Variants in CELF6 observed in about 807,000 individuals in gnomAD.
The protein encoded by CELF6 is Bruno -like 6, RNA binding protein.
In CELF6, 32 loss-of-function variants were observed where a neutral mutation model predicts 53.1. The observed-to-expected ratio is 0.60, with a 90% confidence interval of 0.46 to 0.81. The LOEUF (loss-of-function observed/expected upper bound fraction) is 0.81, where lower values mean the gene tolerates loss of function less well. Ranked by LOEUF, CELF6 falls within the 30% of genes least tolerant of loss-of-function variation. The pLI is 0.00. For missense variants in CELF6, 539 were observed against 669.5 expected, an observed-to-expected ratio of 0.81 and a Z score of 2.15; for synonymous variants, 291 against 288.8, an observed-to-expected ratio of 1.01 and a Z score of -0.08.
At chr15:72,312,824 A>G (rs1478220593) in intron 2 of CELF6, among the ~76,000 whole-genome samples, 1 of 152,154 alleles carries the variant, frequency 6.6e-6, no homozygotes, top group Non-Finnish European at 1.5e-5. Context: ...GGCAGCAGAG[A>G]GCTGGGCACT....
Position 72,289,455 on chromosome 15 carries a change from C to A in CELF6, c.800G>T (p.Gly267Val). The A allele has an allele frequency of 6.5e-7, 1 of 1,539,680 alleles. No individual in the cohort carries two copies. Among genetic ancestry groups the A allele is most frequent in the East Asian group, 2.4e-5 (1 of 41,402 alleles). ...LLAAAQGPGL[G>V]PVAAVAAQMQ... is the part of the protein sequence containing the mutation. Reference sequence around the variant, plus strand: ...CTGGGCCGCCACTGCCGCCACCGGGCCTAGGCCTGGGCCCTGTGCCGCCGC... The same window carrying A: ...CTGGGCCGCCACTGCCGCCACCGGGACTAGGCCTGGGCCCTGTGCCGCCGC... Residue 267 changes from glycine to valine, a missense_variant, in exon 7 of 13, where the codon GGC (glycine) becomes GTC (valine). Gly to Val is a moderately radical substitution (Grantham distance 109). Coordinates refer to ENST00000287202, the MANE Select transcript of CELF6 (RefSeq NM_052840.5). The surrounding 1 kb of genome is among the most constrained non-coding windows in gnomAD (Gnocchi z 7.6).
chr15:72,295,321 G>A (rs1254347087), intron 3 of CELF6, among the ~76,000 whole-genome samples: 3 of 152,112 alleles, frequency 2.0e-5, no homozygotes, highest in African/African-American at 2.4e-5. Context: ...GGGTGACAGA[G>A]TAAGACTGTT....
intron 2 of CELF6, 71 bp from the exon 3 acceptor site, chr15:72,304,865 C>A (rs1479000736): frequency 7.8e-6 from 11 of 1,417,072 alleles, no homozygotes; most frequent in African/African-American, 1.4e-5. Context: ...CTTCTCGAAC[C>A]CTGGACTCCT....
chr15:72,300,076 C>T (rs919216054), intron 3 of CELF6, among the ~76,000 whole-genome samples: 3 of 152,022 alleles, frequency 2.0e-5, no homozygotes, highest in Non-Finnish European at 4.4e-5. Context: ...CAACAGGGGC[C>T]GGGCACGGTG....
At chr15:72,293,757 G>A (rs183739236) in intron 3 of CELF6, among the ~76,000 whole-genome samples, 254 of 149,602 alleles carry the variant, frequency 1.7e-3, no homozygotes, top group Admixed American at 4.0e-3. Flanking sequence ...GCAATGGCAC[G>A]ATCTCGGCTC....
intron 3 of CELF6, 143 bp downstream of exon 3, chr15:72,304,603 T>C: frequency 1.4e-6 from 1 of 705,460 alleles, no homozygotes; most frequent in Non-Finnish European, 2.5e-6. Context: ...CTGAGCTATT[T>C]CTGGGGCTCA....
rs1056793592 is a variant in CELF6, at chr15:72,289,861, G to T, written c.603+78C>A. On this transcript the variant is annotated intron_variant, in intron 5 of 12. Coordinates refer to ENST00000287202, the MANE Select transcript of CELF6 (RefSeq NM_052840.5). The surrounding 1 kb of genome is among the most constrained non-coding windows in gnomAD (Gnocchi z 7.6). ...CTTTCCCATCAGGTCCTTTCGCGGG[G>T]CACCGAGCACACTCGGGGAGGAGAA... The T allele has an allele frequency of 4.0e-6, 6 of 1,507,634 alleles. No individual in the cohort carries two copies. In the African/African-American group the frequency reaches 5.5e-5, roughly 14 times the overall value. 93.4% of individuals were successfully genotyped at this position (1,507,634 alleles called of 1,614,324 possible). A position where few individuals can be genotyped will look rare whatever the true frequency, so the allele number is the denominator to read the frequency against.
chr15:72,304,910 C>T, intron 2 of CELF6, 116 bp from the exon 3 acceptor site: 1 of 793,568 alleles, frequency 1.3e-6, no homozygotes, highest in South Asian at 1.6e-5. Flanking sequence ...GAACTCTGCA[C>T]TCTACCACTT....
At chr15:72,318,688 TCTC>T (rs1567287182) in intron 1 of CELF6, among the ~76,000 whole-genome samples, 2 of 152,000 alleles carry the variant, frequency 1.3e-5, no homozygotes, top group Admixed American at 6.6e-5. Flanking sequence ...AGGGAGAAGA[TCTC>T]CTTCTGTCTC....
chr15:72,305,090 G>T (rs1434032763), intron 2 of CELF6, among the ~76,000 whole-genome samples: 5 of 152,188 alleles, frequency 3.3e-5, no homozygotes. Context: ...GCTATGTGAG[G>T]CCTGTCCCTT....
intron 1 of CELF6, among the ~76,000 whole-genome samples, chr15:72,317,273 G>A (rs1251768068): frequency 1.3e-5 from 2 of 152,164 alleles, no homozygotes; most frequent in African/African-American, 4.8e-5. Context: ...AGTGTAGGAG[G>A]GAGAAGGACT....
chr15:72,288,449 G>A lies in CELF6; in HGVS notation c.1177C>T (p.Pro393Ser). 2 of 1,614,168 alleles carry A rather than the reference G, an allele frequency of 1.2e-6. No homozygotes were observed. The highest frequency in any genetic ancestry group is 1.7e-6 in the Non-Finnish European group (2 of 1,180,026). ...TAGATGAAGAGGTTACAGCCTTCGG[G>A]GCCTGGAGGAACAGTAGCAAGCTGG... Reference protein sequence around the residue: ...SALPQQQREGPEGCNLFIYHL... With the variant: ...SALPQQQREGSEGCNLFIYHL... The change falls in exon 11 of 13, where the codon CCC becomes TCC. Residue 393 changes from proline (P) to serine (S), a missense_variant and splice_region_variant. By Grantham distance (74) the Pro-to-Ser change is moderately conservative (BLOSUM62 -1). Transcript: ENST00000287202. The surrounding 1 kb of genome is among the most constrained non-coding windows in gnomAD (Gnocchi z 4.6).
chr15:72,309,778 G>A (rs1341906840), intron 2 of CELF6, among the ~76,000 whole-genome samples: 3 of 152,184 alleles, frequency 2.0e-5, no homozygotes, highest in Non-Finnish European at 4.4e-5. Context: ...CCCCCTTGAG[G>A]AAAAGAGGAC....
intron 2 of CELF6, chr15:72,313,691 C>T: frequency 1.1e-6 from 1 of 894,270 alleles, no homozygotes; most frequent in Non-Finnish European, 1.3e-6. Flanking sequence ...GCACCTTTAC[C>T]ATGCTGTTTC....
Position 72,289,130 on chromosome 15 carries a change from G to A in CELF6, c.1030+8C>T. 28 of 1,519,074 alleles carry A rather than the reference G, an allele frequency of 1.8e-5. No individual in the cohort carries two copies. The highest frequency in any genetic ancestry group is 2.5e-5 in the Non-Finnish European group (28 of 1,141,104). 94.1% of individuals were successfully genotyped at this position (1,519,074 alleles called of 1,614,324 possible). A position where few individuals can be genotyped will look rare whatever the true frequency, so the allele number is the denominator to read the frequency against. On this transcript the variant is annotated splice_region_variant and intron_variant, in intron 8 of 12. Transcript: ENST00000287202. This position sits in a 1 kb window ranked among gnomAD's most constrained non-coding sequence, Gnocchi z 7.6. ...TTCGGGGGGATTTGGGCGGAGCGGG[G>A]GGCCCACCTGGATAAGGGGAGAGCC...
Position 72,288,786 on chromosome 15 carries a change from A to T in CELF6, c.1093+82T>A, listed in dbSNP as rs1162247144. On this transcript the variant is annotated intron_variant, in intron 9 of 12. Transcript: ENST00000287202. This position sits in a 1 kb window ranked among gnomAD's most constrained non-coding sequence, Gnocchi z 4.6. ...GATGGGAGGATCAACTCCTTGGAACAGAGCCTAAATCCCCCACAACTCTCC... is the reference window on the plus strand; with the variant it reads ...GATGGGAGGATCAACTCCTTGGAACTGAGCCTAAATCCCCCACAACTCTCC... 43 of 1,421,114 alleles carry T rather than the reference A, an allele frequency of 3.0e-5. No individual in the cohort carries two copies. Among genetic ancestry groups the T allele is most frequent in the Non-Finnish European group, 4.2e-5 (43 of 1,028,318 alleles). The allele number at this position is 1,421,114 out of a possible 1,614,324, so 88.0% of individuals were successfully genotyped here. A position where few individuals can be genotyped will look rare whatever the true frequency, so the allele number is the denominator to read the frequency against.
At chr15:72,299,403 A>G (rs1450642056) in intron 3 of CELF6, among the ~76,000 whole-genome samples, 3 of 139,794 alleles carry the variant, frequency 2.1e-5, no homozygotes, top group East Asian at 4.3e-4. Flanking sequence ...TCTGTTGTTC[A>G]GGCTGGAGTG....
chr15:72,305,041 C>A (rs532737011), intron 2 of CELF6, among the ~76,000 whole-genome samples: 1 of 152,238 alleles, frequency 6.6e-6, no homozygotes, highest in East Asian at 1.9e-4. Context: ...TGGAATGAAG[C>A]GGCTAAAGAG....
intron 3 of CELF6, among the ~76,000 whole-genome samples, chr15:72,291,590 G>A (rs1354716633): frequency 6.6e-6 from 1 of 152,194 alleles, no homozygotes; most frequent in African/African-American, 2.4e-5. Flanking sequence ...TGAAGCCTGG[G>A]TGACAGCGAA....
Sources: gnomAD v4.1 joint callset for allele counts (sites outside exome capture counted in the v4.1 genomes callset) on GRCh38, gnomAD v4.1.1 for gene constraint, Gnocchi (gnomAD v3.1) non-coding constraint, MANE v1.5 for transcripts, NCBI Gene and HGNC (gene_info 2026-07-23, HGNC 2026-07-21) for gene names.